MDGA2: variants seen among roughly 807,000 people sequenced by gnomAD.
The protein encoded by MDGA2 is MAM domain-containing glycosylphosphatidylinositol anchor protein 2.
MDGA2 carries 40 observed loss-of-function variants against 117.8 expected under a neutral mutation model. The ratio of observed to expected loss-of-function variants is 0.34; its 90% CI spans 0.26 to 0.44. MDGA2 has a LOEUF of 0.44. MDGA2 is among the 20% of genes least tolerant of loss of function. MDGA2 has a pLI of 1.00. For synonymous variants in MDGA2, 452 were observed against 439.0 expected (o/e 1.03, Z -0.37); for missense variants, 1,123 against 1,250.6 (o/e 0.90, Z 1.54).
intron 7 of MDGA2, chr14:47,059,511 A>G (rs1399025265): frequency 5.5e-6 from 2 of 361,428 alleles, no homozygotes; most frequent in Admixed American, 3.9e-5. Flanking sequence ...CATCTTTACT[A>G]TTTTGTCATA....
At chr14:47,613,481 A>T (rs112156052) in intron 1 of MDGA2, among the ~76,000 whole-genome samples, 237 of 124,032 alleles carry the variant, frequency 1.9e-3, no homozygotes, top group Middle Eastern at 3.7e-3. Flanking sequence ...TCTCTCTCTC[A>T]CACACACACA....
chr14:46,868,735 A>G (rs1163460731), intron 14 of MDGA2, among the ~76,000 whole-genome samples: 4 of 151,850 alleles, frequency 2.6e-5, no homozygotes, highest in African/African-American at 4.8e-5. Flanking sequence ...CTCATCTCCA[A>G]CCTCTCCAGC....
At chr14:47,176,808 A>C (rs1884473487) in intron 3 of MDGA2, among the ~76,000 whole-genome samples, 2 of 152,152 alleles carry the variant, frequency 1.3e-5, no homozygotes, top group African/African-American at 2.4e-5. Context: ...AATGGGATCT[A>C]ATTAAACTAA....
chr14:47,423,631 A>T (rs1309268421), intron 1 of MDGA2, among the ~76,000 whole-genome samples: 2 of 151,998 alleles, frequency 1.3e-5, no homozygotes, highest in African/African-American at 4.8e-5. Context: ...TGTATTCTTC[A>T]TGTATTAGGA....
rs556272732 is a variant in MDGA2 at position 47,201,195 on chromosome 14, T to G, written c.595+16826A>C. The stretch of plus-strand genomic sequence containing the variant: ...CCATCAACTTCTTGAGGAACATTTT[T>G]CACGTGGTTTATAACCCCTCTCTCT... On this transcript the variant is annotated intron_variant, in intron 3 of 16. Transcript: ENST00000399232. 129 of 586,954 alleles carry G rather than the reference T, an allele frequency of 2.2e-4. No individual in the cohort carries two copies. The African/African-American group carries it at 2.3e-3, about 11-fold the overall frequency. 36.4% of individuals were successfully genotyped at this position (586,954 alleles called of 1,614,324 possible).
At position 47,674,815 on chromosome 14, in the gene MDGA2, ACACT is replaced by A. The variant is rs763173607; in HGVS notation, c.-23_-20del. Reference sequence around the variant, plus strand: ...CACTCATGCACACACACACTCACACACACTCACACACTCTCCCACAACACAATAC... The same window carrying A: ...CACTCATGCACACACACACTCACACACACACACTCTCCCACAACACAATAC... On this transcript the variant is annotated 5_prime_UTR_variant, in exon 1 of 17. Coordinates refer to ENST00000399232, the MANE Select transcript of MDGA2 (RefSeq NM_001113498.3). 1.2e-4 allele frequency: 78 copies of A among 644,672 alleles called. No individual in the cohort carries two copies. The highest frequency in any genetic ancestry group is 1.0e-3 in the East Asian group (37 of 35,506). 39.9% of individuals were successfully genotyped at this position (644,672 alleles called of 1,614,324 possible).
At chr14:47,075,258 T>C (rs569456897) in intron 6 of MDGA2, among the ~76,000 whole-genome samples, 1 of 152,242 alleles carries the variant, frequency 6.6e-6, no homozygotes, top group South Asian at 2.1e-4. Flanking sequence ...CCAGATATTT[T>C]GTATTCTCTG....
In MDGA2 at chr14:47,185,349, T is replaced by C. The variant is rs1047033776; in HGVS notation, c.595+32672A>G. On this transcript the variant is annotated intron_variant, in intron 3 of 16. Transcript: ENST00000399232. The stretch of plus-strand genomic sequence containing the variant: ...TGGTGTTCTTTAATCACTTAACATG[T>C]ATTATCTTAATTAATCCTAAAAGCA... Among the ~76,000 whole-genome samples the C allele has an allele frequency of 3.2e-4, 48 of 151,614 alleles. No individual in the cohort carries two copies. The East Asian group carries it at 4.2e-3, about 13-fold the overall frequency.
chr14:47,038,248 T>A (rs191237228), intron 7 of MDGA2, among the ~76,000 whole-genome samples: 44 of 152,290 alleles, frequency 2.9e-4, no homozygotes, highest in African/African-American at 1.0e-3. Flanking sequence ...TTTTTGAAAC[T>A]AAGAATTTGT....
intron 2 of MDGA2, among the ~76,000 whole-genome samples, chr14:47,243,663 A>G (rs1045328053): frequency 6.6e-6 from 1 of 151,508 alleles, no homozygotes; most frequent in Non-Finnish European, 1.5e-5. Flanking sequence ...CGAACCCACC[A>G]GAAGGAAGAA....
chr14:47,500,495 G>T (rs1437468389), intron 1 of MDGA2, among the ~76,000 whole-genome samples: 1 of 151,970 alleles, frequency 6.6e-6, no homozygotes, highest in Non-Finnish European at 1.5e-5. Flanking sequence ...CAAGTTTGTG[G>T]TATCCAAATA....
intron 1 of MDGA2, among the ~76,000 whole-genome samples, chr14:47,570,985 A>C (rs952656098): frequency 2.6e-5 from 4 of 152,218 alleles, no homozygotes; most frequent in African/African-American, 7.2e-5. Flanking sequence ...AGAATGGGAG[A>C]AAATTTTTGC....
rs12435610 is a variant in MDGA2, at chr14:47,651,330, G to A, written c.280+23187C>T. On this transcript the variant is annotated intron_variant, in intron 1 of 16. Coordinates refer to ENST00000399232, the MANE Select transcript of MDGA2 (RefSeq NM_001113498.3). ...GCTCCAATACAGGGCAGACATTTTCGGAGCAATGGATAAGCACACACAAAG... is the reference window on the plus strand; with the variant it reads ...GCTCCAATACAGGGCAGACATTTTCAGAGCAATGGATAAGCACACACAAAG... Among the ~76,000 whole-genome samples, 6 of 151,434 alleles carry A rather than the reference G, an allele frequency of 4.0e-5. No homozygotes were observed. In the East Asian group the frequency reaches 7.9e-4, roughly 20 times the overall value.
intron 1 of MDGA2, among the ~76,000 whole-genome samples, chr14:47,542,885 A>G (rs1895380612): frequency 6.6e-6 from 1 of 152,198 alleles, no homozygotes; most frequent in Non-Finnish European, 1.5e-5. Flanking sequence ...GGATAATACA[A>G]AGATGTGTCA....
At chr14:47,630,530 G>A (rs540627247) in intron 1 of MDGA2, among the ~76,000 whole-genome samples, 1 of 152,196 alleles carries the variant, frequency 6.6e-6, no homozygotes, top group South Asian at 2.1e-4. Context: ...TACTTTTTGT[G>A]CTTACAGAAT....
chr14:47,287,635 T>C (rs1283985146), intron 2 of MDGA2, among the ~76,000 whole-genome samples: 1 of 152,128 alleles, frequency 6.6e-6, no homozygotes, highest in Non-Finnish European at 1.5e-5. Flanking sequence ...AAGGTAGCCT[T>C]AGAATTTGTT....
rs552694923 is a variant in MDGA2, at chr14:46,930,942, C to T, written c.2090-10782G>A. On this transcript the variant is annotated intron_variant, in intron 9 of 16. Transcript: ENST00000399232. ...TAAAAATCTCAAAATCTGGGCCAGG[C>T]GCAGTGGCTCACGCCTGTAATCCTA... Among the ~76,000 whole-genome samples, 8 of 152,108 alleles carry T rather than the reference C, an allele frequency of 5.3e-5. No individual in the cohort carries two copies. The East Asian group carries it at 1.5e-3, about 29-fold the overall frequency.
intron 1 of MDGA2, among the ~76,000 whole-genome samples, chr14:47,484,485 G>A (rs1228413112): frequency 1.3e-5 from 2 of 152,148 alleles, no homozygotes; most frequent in Non-Finnish European, 2.9e-5. Context: ...TAATGTTAGG[G>A]AGGATTCACT....
intron 5 of MDGA2, among the ~76,000 whole-genome samples, chr14:47,109,326 T>C (rs1014518427): frequency 3.3e-5 from 5 of 152,230 alleles, no homozygotes; most frequent in Non-Finnish European, 7.3e-5. Context: ...CAATTTATCA[T>C]GCTCAAATAA....
Sources: allele counts gnomAD v4.1 joint callset (sites outside exome capture counted in the v4.1 genomes callset), GRCh38; gene constraint gnomAD v4.1.1; transcripts MANE v1.5; gene names NCBI Gene and HGNC (gene_info 2026-07-23, HGNC 2026-07-21).